LAMB1: variants seen among roughly 807,000 people sequenced by gnomAD.
LAMB1 encodes laminin subunit beta 1, also known as laminin subunit beta-1.
In LAMB1, 121 loss-of-function variants were observed where a neutral mutation model predicts 222.3. The ratio of observed to expected loss-of-function variants is 0.54; its 90% confidence interval spans 0.47 to 0.63. The LOEUF is 0.63. Ranked by LOEUF, LAMB1 falls within the 30% of genes least tolerant of loss-of-function variation. LAMB1 has a pLI of 0.00. For synonymous variants in LAMB1, 794 were observed against 807.2 expected, an observed-to-expected ratio of 0.98 and a Z score of 0.28; for missense variants, 2,172 against 2,240.8, an observed-to-expected ratio of 0.97 and a Z score of 0.62.
At position 107,942,678 on chromosome 7, in the gene LAMB1, A is replaced by G. The variant is rs566939210; in HGVS notation, c.3392-2320T>C. 5.9e-5 allele frequency: 9 copies of G among 152,340 alleles called. 1 individual carries two copies. Among genetic ancestry groups the G allele is most frequent in the Admixed American group, 2.6e-4 (4 of 15,302 alleles). 9.4% of individuals were successfully genotyped at this position (152,340 alleles called of 1,614,324 possible). On this transcript the variant is annotated intron_variant, in intron 24 of 33. Coordinates refer to ENST00000222399, the MANE Select transcript of LAMB1 (RefSeq NM_002291.3). Reference sequence around the variant, plus strand: ...CTGCTTTCAAGATAAAATAATTACAAAGTGCTTAGAAGAGCATCTGGTCTA... The same window carrying G: ...CTGCTTTCAAGATAAAATAATTACAGAGTGCTTAGAAGAGCATCTGGTCTA...
rs368697174 is a variant in LAMB1 at position 107,923,913 on chromosome 7, T to C, written c.*38A>G. 12 of 1,567,960 alleles carry C rather than the reference T, an allele frequency of 7.7e-6. No homozygotes were observed. The highest frequency in any genetic ancestry group is 1.0e-5 in the Non-Finnish European group (12 of 1,161,132). ...AGTCAGTTTTTAAAATGTAGTTGTT[T>C]TACCTTGTTCACCTCAGCCATTTTT... is the stretch of plus-strand genomic sequence containing the variant. On this transcript the variant is annotated 3_prime_UTR_variant, in exon 34 of 34. Transcript: ENST00000222399.
intron 2 of LAMB1, chr7:108,002,050 G>A: frequency 6.9e-7 from 1 of 1,443,878 alleles, no homozygotes. Flanking sequence ...CCCCAACAAA[G>A]GGTGGATGTG....
At chr7:107,969,242 C>T (rs939216154) in intron 13 of LAMB1, among the ~76,000 whole-genome samples, 30 of 149,184 alleles carry the variant, frequency 2.0e-4, no homozygotes, top group African/African-American at 5.2e-4. Flanking sequence ...GAGCCAAGAT[C>T]GCGCCACTGC....
At chr7:108,002,593 A>AGCGGGGGCC (rs1191353340) in intron 2 of LAMB1, among the ~76,000 whole-genome samples, 2 of 152,148 alleles carry the variant, frequency 1.3e-5, no homozygotes, top group African/African-American at 4.8e-5. Context: ...CAAAACCCTG[A>AGCGGGGGCC]GCGGGGGCCG....
intron 2 of LAMB1, chr7:108,001,996 C>CGGGAA: frequency 6.9e-7 from 1 of 1,444,092 alleles, no homozygotes; most frequent in Non-Finnish European, 9.1e-7. Flanking sequence ...CCGGGAAACC[C>CGGGAA]ACCGACGCTC....
intron 4 of LAMB1, 149 bp downstream of exon 4, chr7:107,998,208 G>A: frequency 1.4e-6 from 1 of 691,110 alleles, no homozygotes; most frequent in Non-Finnish European, 2.4e-6. Context: ...TTTACCAAGA[G>A]AAGTTAGTGC....
intron 27 of LAMB1, among the ~76,000 whole-genome samples, chr7:107,935,144 A>T (rs1403805098): frequency 6.6e-6 from 1 of 151,808 alleles, no homozygotes; most frequent in East Asian, 1.9e-4. Context: ...AGTATGGGAG[A>T]ATAGTCATGA....
At position 107,953,618 on chromosome 7, in the gene LAMB1, A is replaced by G; in HGVS notation, c.2991T>C (p.Cys997=). 6.2e-7 allele frequency: 1 copy of G among 1,614,090 alleles called. No individual in the cohort carries two copies. The highest frequency in any genetic ancestry group is 1.1e-5 in the South Asian group (1 of 91,078). Residue 997 remains cysteine, a synonymous_variant, in exon 22 of 34, where the codon TGT becomes TGC. Coordinates refer to ENST00000222399, the MANE Select transcript of LAMB1 (RefSeq NM_002291.3). ...CTTCCGTGTGGTACAGGCACTTGAGACACCTCCCAGTCTCCTTGTCACAGG... is the reference window on the plus strand; with the variant it reads ...CTTCCGTGTGGTACAGGCACTTGAGGCACCTCCCAGTCTCCTTGTCACAGG... The part of the protein sequence containing the change: ...PEACDKETGR[C]LKCLYHTEGE...
chr7:107,954,715 T>C (rs983906193), intron 21 of LAMB1, among the ~76,000 whole-genome samples: 4 of 152,078 alleles, frequency 2.6e-5, no homozygotes, highest in African/African-American at 9.7e-5. Context: ...GGCGTGAACC[T>C]GGGAGGCGGA....
Position 107,953,726 on chromosome 7 carries a change from T to A in LAMB1, c.2883A>T (p.Gly961=). The part of the protein sequence containing the change: ...IGSRCDDCAS[G]YFGNPSEVGG... ...CAACTTCTGATGGATTGCCAAAGTA[T>A]CCTGAGGCACAGTCGTCACATCTGG... Residue 961 remains glycine (G), a synonymous_variant, in exon 22 of 34, where the codon GGA becomes GGT. Coordinates refer to ENST00000222399, the MANE Select transcript of LAMB1 (RefSeq NM_002291.3). 6.2e-7 allele frequency: 1 copy of A among 1,614,104 alleles called. No individual in the cohort carries two copies. The highest frequency in any genetic ancestry group is 8.5e-7 in the Non-Finnish European group (1 of 1,180,002).
chr7:107,971,775 G>C (rs2033753806), intron 13 of LAMB1, among the ~76,000 whole-genome samples: 1 of 152,202 alleles, frequency 6.6e-6, no homozygotes, highest in African/African-American at 2.4e-5. Flanking sequence ...AGACAGACAG[G>C]AAGTGTGTAT....
intron 5 of LAMB1, among the ~76,000 whole-genome samples, chr7:107,990,070 GCT>G (rs1385945766): frequency 1.3e-5 from 2 of 151,232 alleles, no homozygotes; most frequent in Non-Finnish European, 2.9e-5. Context: ...ATAGAGTCTT[GCT>G]CTGTTGCCCA....
chr7:107,998,953 G>A (rs1024195074), intron 3 of LAMB1, among the ~76,000 whole-genome samples: 8 of 152,212 alleles, frequency 5.3e-5, no homozygotes, highest in Non-Finnish European at 1.2e-4. Context: ...GTATTAGGCA[G>A]AAGTATTTAG....
chr7:107,928,969 T>C (rs73410500), intron 31 of LAMB1, 95 bp downstream of exon 31: 14 of 1,173,856 alleles, frequency 1.2e-5, no homozygotes, highest in Non-Finnish European at 1.6e-5. Context: ...TAATGTTGAG[T>C]TGTAAGAATT....
rs757081206 is a variant in LAMB1, at chr7:107,975,372, A to C, written c.1231T>G (p.Cys411Gly). 2 of 1,613,494 alleles carry C rather than the reference A, an allele frequency of 1.2e-6. No homozygotes were observed. Among genetic ancestry groups the C allele is most frequent in the South Asian group, 2.2e-5 (2 of 90,834 alleles). The change falls in exon 11 of 34, where the codon TGT (cysteine) becomes GGT (glycine). Residue 411 changes from cysteine to glycine, a missense_variant. Physicochemically the swap from Cys to Gly is radical, Grantham distance 159 (BLOSUM62 -3). Transcript: ENST00000222399. ...GTAGAAAAATCAGTATAGCTGTCAC[A>C]AATTCCCTCATTTTGAGAGCCAGCT... Reference protein sequence around the residue: ...DPAGSQNEGICDSYTDFSTGL... With the variant: ...DPAGSQNEGIGDSYTDFSTGL...
At chr7:107,933,685 ACTCT>A (rs1219236833) in intron 27 of LAMB1, among the ~76,000 whole-genome samples, 1 of 152,010 alleles carries the variant, frequency 6.6e-6, no homozygotes, top group African/African-American at 2.4e-5. Context: ...AAAGGACAAA[ACTCT>A]CTCTACACAA....
At chr7:107,979,635 T>G (rs1248335986) in intron 8 of LAMB1, among the ~76,000 whole-genome samples, 1 of 152,160 alleles carries the variant, frequency 6.6e-6, no homozygotes, top group Non-Finnish European at 1.5e-5. Flanking sequence ...ATTTGGCAAA[T>G]CACCCAAATC....
rs373553620 is a variant in LAMB1 at position 107,976,920 on chromosome 7, CCTCT to C, written c.1001-1047_1001-1044del. On this transcript the variant is annotated intron_variant, in intron 9 of 33. Coordinates refer to ENST00000222399, the MANE Select transcript of LAMB1 (RefSeq NM_002291.3). ...TTTCCTCTTGCTCCTTCCTTCCTTTCCTCTCTCTCCTTCCTTCCTTTCCTCTCCC... is the reference window on the plus strand; with the variant it reads ...TTTCCTCTTGCTCCTTCCTTCCTTTCCTCTCCTTCCTTCCTTTCCTCTCCC... Among the ~76,000 whole-genome samples, 45 of 43,772 alleles carry C rather than the reference CCTCT, an allele frequency of 1.0e-3. 3 individuals carry two copies. The highest frequency in any genetic ancestry group is 1.6e-3 in the Non-Finnish European group (33 of 20,466). 28.7% of individuals were successfully genotyped at this position (43,772 alleles called of 152,430 possible).
At chr7:107,996,599 C>G (rs2034285718) in intron 4 of LAMB1, among the ~76,000 whole-genome samples, 1 of 152,226 alleles carries the variant, frequency 6.6e-6, no homozygotes, top group African/African-American at 2.4e-5. Context: ...TAAGTTCCAT[C>G]AGTCTAATCT....
Sources: allele counts gnomAD v4.1 joint callset (sites outside exome capture counted in the v4.1 genomes callset), GRCh38; gene constraint gnomAD v4.1.1; transcripts MANE v1.5; gene names NCBI Gene and HGNC (gene_info 2026-07-23, HGNC 2026-07-21).